The following AGBL1 variants were observed in gnomAD, a reference collection of about 807,000 sequenced individuals.
AGBL1 encodes AGBL carboxypeptidase 1, also known as cytosolic carboxypeptidase 4.
A neutral mutation model predicts 118.9 loss-of-function variants in AGBL1; 130 were observed. The ratio of observed to expected loss-of-function variants is 1.09; its 90% CI spans 0.95 to 1.26. AGBL1 has a LOEUF of 1.26. AGBL1 is among the 50% of genes most tolerant of loss of function. The pLI, the probability that AGBL1 is intolerant of heterozygous loss-of-function variation, is 0.00. For synonymous variants in AGBL1, 555 were observed against 478.9 expected (o/e 1.16, Z -2.08); for missense variants, 1,584 against 1,298.1 (o/e 1.22, Z -3.38).
chr15:86,941,606 G>C (rs924718750), intron 23 of AGBL1, among the ~76,000 whole-genome samples: 12 of 152,172 alleles, frequency 7.9e-5, no homozygotes, highest in Non-Finnish European at 1.3e-4. Flanking sequence ...AATATACGTA[G>C]AGAAGCCATC....
chr15:86,503,661 A>T (rs2082942479), intron 18 of AGBL1, among the ~76,000 whole-genome samples: 1 of 151,116 alleles, frequency 6.6e-6, no homozygotes, highest in Admixed American at 6.6e-5. Flanking sequence ...GTATTTTCTA[A>T]TTTATATTGT....
intron 1 of AGBL1, among the ~76,000 whole-genome samples, chr15:86,122,388 G>A (rs1185928757): frequency 6.6e-6 from 1 of 152,188 alleles, no homozygotes; most frequent in Non-Finnish European, 1.5e-5. Flanking sequence ...CCAAGAGATA[G>A]TGCTTAATTC....
chr15:86,394,099 G>GA (rs1258063128), intron 17 of AGBL1, among the ~76,000 whole-genome samples: 2 of 152,072 alleles, frequency 1.3e-5, no homozygotes, highest in African/African-American at 4.8e-5. Flanking sequence ...TGGAAGCCCA[G>GA]AAAAAGTAAG....
rs547227784 is a variant in AGBL1, at chr15:86,976,684, A to G, written c.3222-11303A>G. ...TACCCAGCTCAACAATATTATTCCT[A>G]TACTCCTTTTAAACTCTTCAAAGTT... On this transcript the variant is annotated intron_variant, in intron 23 of 24. Coordinates refer to the AGBL1 transcript ENST00000441037. 4.6e-5 allele frequency among the ~76,000 whole-genome samples: 7 copies of G among 152,106 alleles called. No individual in the cohort carries two copies. In the South Asian group the frequency reaches 8.3e-4, roughly 18 times the overall value.
intron 24 of AGBL1, among the ~76,000 whole-genome samples, chr15:87,008,220 A>T (rs2081523625): frequency 6.6e-6 from 1 of 152,162 alleles, no homozygotes. Context: ...CCCGGATCTC[A>T]TCTAGAATTC....
Position 86,752,444 on chromosome 15 carries a change from A to G in AGBL1, c.3158+78008A>G, listed in dbSNP as rs75344056. On this transcript the variant is annotated intron_variant, in intron 22 of 22. Transcript: ENST00000614907. ...TCATCTTTTATCTGGTACAAAAGGG[A>G]TTTCTAGGTTCTTCCTGAGGTAATG... Among the ~76,000 whole-genome samples the G allele has an allele frequency of 1.5e-3, 226 of 152,180 alleles. 1 individual carries two copies. The highest frequency in any genetic ancestry group is 5.1e-3 in the African/African-American group (214 of 41,558).
At chr15:86,349,359 A>T (rs1567211640) in intron 17 of AGBL1, among the ~76,000 whole-genome samples, 1 of 152,218 alleles carries the variant, frequency 6.6e-6, no homozygotes, top group East Asian at 1.9e-4. Context: ...GATCCATAAC[A>T]TTAAGAATGA....
chr15:86,729,145 G>T (rs2077496155), intron 22 of AGBL1, among the ~76,000 whole-genome samples: 2 of 152,146 alleles, frequency 1.3e-5, no homozygotes, highest in Admixed American at 6.5e-5. Context: ...TCTCTGTCTT[G>T]CCAGGTCTCT....
chr15:86,861,524 C>A (rs998595495), intron 22 of AGBL1, among the ~76,000 whole-genome samples: 1 of 152,140 alleles, frequency 6.6e-6, no homozygotes, highest in African/African-American at 2.4e-5. Context: ...ACATTCAGAG[C>A]CTGGTTTTAA....
At chr15:86,099,630 C>T (rs993311316) in intron 1 of AGBL1, among the ~76,000 whole-genome samples, 1 of 151,532 alleles carries the variant, frequency 6.6e-6, no homozygotes, top group Admixed American at 6.6e-5. Flanking sequence ...ACCTCCGCCT[C>T]CCAGGTTCAA....
At chr15:86,539,600 C>G (rs2083467797) in intron 19 of AGBL1, among the ~76,000 whole-genome samples, 1 of 152,248 alleles carries the variant, frequency 6.6e-6, no homozygotes, top group Non-Finnish European at 1.5e-5. Flanking sequence ...CTGCCCACTT[C>G]TATAGATACC....
downstream of AGBL1, among the ~76,000 whole-genome samples, chr15:86,917,934 C>A (rs2080444852): frequency 6.6e-6 from 1 of 152,232 alleles, no homozygotes; most frequent in African/African-American, 2.4e-5. The surrounding 1 kb of genome is among the most constrained non-coding windows in gnomAD (Gnocchi z 4.8). Context: ...TTCACTCCAT[C>A]CCTAGTCCCT....
intron 17 of AGBL1, among the ~76,000 whole-genome samples, chr15:86,324,703 G>C (rs2080158500): frequency 6.6e-6 from 1 of 152,164 alleles, no homozygotes; most frequent in African/African-American, 2.4e-5. Context: ...AACAAAAAAA[G>C]TGGGTGGTAG....
chr15:86,148,857 G>A (rs1327851650), intron 3 of AGBL1, among the ~76,000 whole-genome samples: 1 of 152,110 alleles, frequency 6.6e-6, no homozygotes, highest in African/African-American at 2.4e-5. Context: ...GAAGGAAAAA[G>A]TGTTAAGGAC....
rs772631989 is a variant in AGBL1 at position 86,116,980 on chromosome 15, GTTAC to G, written c.52-25020_52-25017del. On this transcript the variant is annotated intron_variant, in intron 1 of 22. Coordinates refer to ENST00000614907, the MANE Select transcript of AGBL1 (RefSeq NM_001386094.1). ...TTTTTTTTTTTTAACATGTTTTCGT[GTTAC>G]TTAGGCCAGTTGCTTAGTGATCTAT... Among the ~76,000 whole-genome samples, 129 of 143,860 alleles carry G rather than the reference GTTAC, an allele frequency of 9.0e-4. 1 individual carries two copies. Among genetic ancestry groups the G allele is most frequent in the South Asian group, 8.7e-4 (4 of 4,572 alleles). The allele number at this position is 143,860 out of a possible 152,430, so 94.4% of individuals were successfully genotyped here.
intron 22 of AGBL1, among the ~76,000 whole-genome samples, chr15:86,871,700 G>C (rs1444733360): frequency 1.3e-5 from 2 of 152,040 alleles, no homozygotes; most frequent in Non-Finnish European, 2.9e-5. Flanking sequence ...CATACACCGG[G>C]ACTGTTGGGT....
At chr15:86,285,970 C>G (rs911738740) in intron 16 of AGBL1, among the ~76,000 whole-genome samples, 2 of 152,050 alleles carry the variant, frequency 1.3e-5, no homozygotes, top group Non-Finnish European at 2.9e-5. Flanking sequence ...TTCCGCATAT[C>G]TGATTTATAA....
intron 17 of AGBL1, among the ~76,000 whole-genome samples, chr15:86,323,658 T>TA (rs780931772): frequency 1.6e-4 from 25 of 152,196 alleles, no homozygotes; most frequent in Non-Finnish European, 3.2e-4. Context: ...TCTTAGGGTT[T>TA]AAATGTGATG....
chr15:86,954,987 G>C (rs2080915743), intron 23 of AGBL1, among the ~76,000 whole-genome samples: 1 of 152,078 alleles, frequency 6.6e-6, no homozygotes, highest in South Asian at 2.1e-4. Flanking sequence ...AAGAGTGTAA[G>C]TTCAAGTGGT....
Sources: gnomAD v4.1 joint callset for allele counts (sites outside exome capture counted in the v4.1 genomes callset) on GRCh38, gnomAD v4.1.1 for gene constraint, Gnocchi (gnomAD v3.1) non-coding constraint, MANE v1.5 for transcripts, NCBI Gene and HGNC (gene_info 2026-07-23, HGNC 2026-07-21) for gene names.